Variants in ARHGAP15 observed in about 807,000 individuals in gnomAD.
The protein encoded by ARHGAP15 is Rho GTPase activating protein 15, also known as rho GTPase-activating protein 15.
ARHGAP15 carries 51 observed loss-of-function variants against 63.7 expected under a neutral mutation model. The observed-to-expected ratio is 0.80, with a 90% confidence interval of 0.64 to 1.01. The LOEUF (loss-of-function observed/expected upper bound fraction) is 1.01. Ranked by LOEUF, ARHGAP15 falls within the 50% of genes least tolerant of loss-of-function variation. ARHGAP15 has a pLI of 0.00. For synonymous variants in ARHGAP15, 191 were observed against 193.8 expected, an observed-to-expected ratio of 0.99 and a Z score of 0.12; for missense variants, 560 against 564.6, an observed-to-expected ratio of 0.99 and a Z score of 0.08.
intron 1 of ARHGAP15, among the ~76,000 whole-genome samples, chr2:143,149,017 C>T (rs538692807): frequency 1.3e-5 from 2 of 152,162 alleles, no homozygotes; most frequent in African/African-American, 4.8e-5. Flanking sequence ...CTGGAGCTAC[C>T]AGGACCACAA....
intron 12 of ARHGAP15, among the ~76,000 whole-genome samples, chr2:143,661,920 C>T (rs13396423): frequency 0.022 from 3,279 of 152,306 alleles, 124 homozygotes; most frequent in African/African-American, 0.073. Flanking sequence ...GAGGGTCCTA[C>T]GCCCACAGAG....
At chr2:143,667,181 C>T (rs199608755) in intron 12 of ARHGAP15, among the ~76,000 whole-genome samples, 1,858 of 148,860 alleles carry the variant, frequency 0.012, 35 homozygotes, top group East Asian at 0.12. Flanking sequence ...AAATGTCCAA[C>T]AATGATAGAC....
intron 11 of ARHGAP15, among the ~76,000 whole-genome samples, chr2:143,594,654 C>G (rs922731741): frequency 1.3e-5 from 2 of 152,084 alleles, no homozygotes; most frequent in African/African-American, 2.4e-5. Context: ...TAACTAACCT[C>G]TAAAACAAAG....
intron 8 of ARHGAP15, among the ~76,000 whole-genome samples, chr2:143,477,364 A>G (rs1691869592): frequency 6.6e-6 from 1 of 152,094 alleles, no homozygotes; most frequent in Non-Finnish European, 1.5e-5. Flanking sequence ...TTTAATGATT[A>G]TTACAGTGGT....
At chr2:143,740,695 A>G (rs1376601974) in intron 13 of ARHGAP15, among the ~76,000 whole-genome samples, 6 of 152,126 alleles carry the variant, frequency 3.9e-5, no homozygotes, top group South Asian at 4.2e-4. Flanking sequence ...TTGCTGTCTT[A>G]TTGTAGAATA....
intron 6 of ARHGAP15, among the ~76,000 whole-genome samples, chr2:143,277,303 T>C (rs1681607545): frequency 1.3e-5 from 2 of 152,198 alleles, no homozygotes; most frequent in Middle Eastern, 3.4e-3. Context: ...TTGTTTCTTA[T>C]TTCTTTAGTG....
rs866808865 is a variant in ARHGAP15, at chr2:143,470,853, C to T, written c.704-16520C>T. On this transcript the variant is annotated intron_variant, in intron 8 of 13. Transcript: ENST00000295095. ...TCGCATATATATATATACACACACA[C>T]GTATATTTATGTGTGTGTGTATATA... Among the ~76,000 whole-genome samples, 47 of 147,126 alleles carry T rather than the reference C, an allele frequency of 3.2e-4. 1 individual carries two copies. The Middle Eastern group carries it at 0.012, about 37-fold the overall frequency.
chr2:143,471,469 A>G (rs1691573514), intron 8 of ARHGAP15, among the ~76,000 whole-genome samples: 1 of 152,052 alleles, frequency 6.6e-6, no homozygotes, highest in African/African-American at 2.4e-5. Flanking sequence ...GATATTATTA[A>G]AAGAAGTAAA....
intron 13 of ARHGAP15, chr2:143,706,410 A>T (rs2105430520): frequency 6.6e-6 from 1 of 152,234 alleles, no homozygotes; most frequent in Admixed American, 6.5e-5. Flanking sequence ...ATATATTTTG[A>T]AGTTTGTTTA....
At chr2:143,661,885 G>A (rs181854675) in intron 12 of ARHGAP15, among the ~76,000 whole-genome samples, 12 of 152,326 alleles carry the variant, frequency 7.9e-5, no homozygotes, top group Admixed American at 1.3e-4. Flanking sequence ...GGCGCACCAC[G>A]AGATTATATC....
At chr2:143,557,872 A>G (rs1695873335) in intron 11 of ARHGAP15, among the ~76,000 whole-genome samples, 1 of 152,140 alleles carries the variant, frequency 6.6e-6, no homozygotes, top group African/African-American at 2.4e-5. Flanking sequence ...GGTGTTATAG[A>G]CAGCTCATAG....
rs138928629 is a variant in ARHGAP15, at chr2:143,412,000, A to G, written c.475-23601A>G. ...ACAGAGCAAGAGGCTGAGGTTTGAG[A>G]GGAGAGGGGTCAATATGATAGGCAA... On this transcript the variant is annotated intron_variant, in intron 6 of 13. Transcript: ENST00000295095. 1.7e-3 allele frequency among the ~76,000 whole-genome samples: 266 copies of G among 152,306 alleles called. 2 individuals are homozygous for G. In the Middle Eastern group the frequency reaches 0.027, roughly 16 times the overall value.
chr2:143,667,481 TAGTG>T (rs1682273549), intron 12 of ARHGAP15, among the ~76,000 whole-genome samples: 1 of 145,328 alleles, frequency 6.9e-6, no homozygotes, highest in African/African-American at 2.5e-5. Flanking sequence ...GATGACGAGT[TAGTG>T]GGTGCAGCGC....
At chr2:143,528,571 A>C (rs1389448837) in intron 10 of ARHGAP15, among the ~76,000 whole-genome samples, 1 of 152,094 alleles carries the variant, frequency 6.6e-6, no homozygotes, top group Non-Finnish European at 1.5e-5. Flanking sequence ...CTCCAAATTT[A>C]CTTCCTAGCA....
At chr2:143,571,677 ATTGT>A (rs955537474) in intron 11 of ARHGAP15, 4 of 151,988 alleles carry the variant, frequency 2.6e-5, no homozygotes, top group East Asian at 1.9e-4. Context: ...ACTTCTCCAG[ATTGT>A]TTGTCTTTTT....
intron 13 of ARHGAP15, among the ~76,000 whole-genome samples, chr2:143,736,587 T>C (rs773416833): frequency 2.6e-4 from 40 of 152,186 alleles, no homozygotes; most frequent in Non-Finnish European, 5.3e-4. Context: ...TCTTCTAAGC[T>C]TCAGTTTTCA....
intron 13 of ARHGAP15, among the ~76,000 whole-genome samples, chr2:143,711,224 G>A (rs1351142582): frequency 1.3e-5 from 2 of 152,178 alleles, no homozygotes; most frequent in African/African-American, 2.4e-5. Flanking sequence ...TCAACTCAAT[G>A]TTAAATGCAT....
intron 13 of ARHGAP15, among the ~76,000 whole-genome samples, chr2:143,727,061 C>T (rs1177370620): frequency 1.3e-5 from 2 of 152,130 alleles, no homozygotes; most frequent in African/African-American, 2.4e-5. Flanking sequence ...CCTTTCCACT[C>T]GGCTTGCTGG....
At chr2:143,195,112 C>T (rs1485418271) in intron 2 of ARHGAP15, among the ~76,000 whole-genome samples, 1 of 151,952 alleles carries the variant, frequency 6.6e-6, no homozygotes, top group Non-Finnish European at 1.5e-5. Context: ...GTTTTTGAAT[C>T]ATTTCCTTTC....
Sources: gnomAD v4.1 joint callset for allele counts (sites outside exome capture counted in the v4.1 genomes callset) on GRCh38, gnomAD v4.1.1 for gene constraint, MANE v1.5 for transcripts, NCBI Gene and HGNC (gene_info 2026-07-23, HGNC 2026-07-21) for gene names.